The following NT5C2 variants were observed in gnomAD, a reference collection of about 807,000 sequenced individuals.
NT5C2 encodes cytosolic purine 5'-nucleotidase.
A neutral mutation model predicts 76.1 loss-of-function variants in NT5C2; 58 were observed. The ratio of observed to expected loss-of-function variants is 0.76; its 90% confidence interval spans 0.62 to 0.95. The LOEUF is 0.95. Among genes scored for constraint, NT5C2 ranks in the 40% least tolerant of loss-of-function variants. NT5C2 has a pLI of 0.00. For synonymous variants in NT5C2, 229 were observed against 237.4 expected (o/e 0.96, Z 0.32); for missense variants, 478 against 690.3 (o/e 0.69, Z 3.45).
At chr10:103,154,592 G>A (rs1403093920) in intron 3 of NT5C2, among the ~76,000 whole-genome samples, 1 of 152,112 alleles carries the variant, frequency 6.6e-6, no homozygotes, top group African/African-American at 2.4e-5. Flanking sequence ...ACCTAAGCCT[G>A]AGCGTTTTAA....
chr10:103,190,406 C>T lies in NT5C2; in HGVS notation c.-169+2830G>A, dbSNP rs147786448. ...ATACATCCACTTCAGCATCTTCTCC[C>T]TACTCTGAAGTGTTACTGTTTTTCC... On this transcript the variant is annotated intron_variant, in intron 1 of 18. Coordinates refer to ENST00000404739, the MANE Select transcript of NT5C2 (RefSeq NM_001351169.2). Among the ~76,000 whole-genome samples, 12 of 152,316 alleles carry T rather than the reference C, an allele frequency of 7.9e-5. No homozygotes were observed. In the East Asian group the frequency reaches 2.3e-3, roughly 29 times the overall value.
chr10:103,128,044 T>TCTCC (rs2077003138), intron 4 of NT5C2, among the ~76,000 whole-genome samples: 1 of 138,546 alleles, frequency 7.2e-6, no homozygotes, highest in African/African-American at 2.6e-5. Flanking sequence ...AATGATCCGG[T>TCTCC]CTCTCCCTCT....
chr10:103,178,848 A>G (rs1252690598), intron 2 of NT5C2, among the ~76,000 whole-genome samples: 2 of 150,848 alleles, frequency 1.3e-5, no homozygotes, highest in Non-Finnish European at 3.0e-5. Context: ...AAAAAAAAAA[A>G]AGACAAGCAA....
chr10:103,151,028 C>T (rs1012835427), intron 3 of NT5C2, among the ~76,000 whole-genome samples: 5 of 152,002 alleles, frequency 3.3e-5, no homozygotes, highest in African/African-American at 4.8e-5. Context: ...AAATGTGTAC[C>T]TCATTCAGGG....
intron 1 of NT5C2, among the ~76,000 whole-genome samples, chr10:103,181,991 C>T (rs545247716): frequency 6.8e-6 from 1 of 147,928 alleles, no homozygotes; most frequent in Non-Finnish European, 1.5e-5. Flanking sequence ...GCCTGGGCAA[C>T]AGAGCGAGAC....
At chr10:103,100,162 G>T (rs2069202531) in intron 8 of NT5C2, 143 bp from the exon 9 acceptor site, 1 of 572,184 alleles carries the variant, frequency 1.7e-6, no homozygotes, top group Non-Finnish European at 3.1e-6. Context: ...ACTCCCTAAT[G>T]AAAGTCCACT....
chr10:103,162,792 CTAT>C (rs1167436565), intron 3 of NT5C2, among the ~76,000 whole-genome samples: 4 of 151,984 alleles, frequency 2.6e-5, no homozygotes, highest in African/African-American at 4.8e-5. Flanking sequence ...CTAAAAATTA[CTAT>C]TATTTTATTA....
chr10:103,192,353 AG>A (rs775497476), intron 1 of NT5C2, among the ~76,000 whole-genome samples: 1 of 152,156 alleles, frequency 6.6e-6, no homozygotes, highest in Non-Finnish European at 1.5e-5. Context: ...TCAAACATCA[AG>A]GCCCTAAAGG....
intron 3 of NT5C2, among the ~76,000 whole-genome samples, chr10:103,170,537 T>TG (rs1457949216): frequency 1.3e-5 from 2 of 149,700 alleles, no homozygotes; most frequent in Admixed American, 1.3e-4. Flanking sequence ...TTTTTTTTTT[T>TG]TTTTTTTTTT....
chr10:103,171,262 A>G (rs1228161124), intron 3 of NT5C2, among the ~76,000 whole-genome samples: 3 of 152,254 alleles, frequency 2.0e-5, no homozygotes, highest in South Asian at 2.1e-4. Context: ...ATACTCAATA[A>G]CAAGTAACTA....
In NT5C2 at chr10:103,089,166, TA is replaced by T. The variant is rs1056034036; in HGVS notation, c.*505del. ...TCACTGAGGATGAATTAAAGGCTTA[TA>T]AAAGAAAACTTGACCTTAACAGAGA... On this transcript the variant is annotated 3_prime_UTR_variant, in exon 19 of 19. Coordinates refer to ENST00000404739, the MANE Select transcript of NT5C2 (RefSeq NM_001351169.2). 6 of 226,064 alleles carry T rather than the reference TA, an allele frequency of 2.7e-5. No homozygotes were observed. Among genetic ancestry groups the T allele is most frequent in the African/African-American group, 1.3e-4 (6 of 44,994 alleles). The allele number at this position is 226,064 out of a possible 1,614,324, so 14.0% of individuals were successfully genotyped here.
At chr10:103,130,583 TA>T (rs5787482) in intron 4 of NT5C2, among the ~76,000 whole-genome samples, 31,706 of 137,256 alleles carry the variant, frequency 0.23, 3,376 homozygotes, top group Middle Eastern at 0.37. Context: ...AAATAAAAAT[TA>T]AAAAAAAAAA....
chr10:103,129,733 G>A (rs1246797147), intron 4 of NT5C2, among the ~76,000 whole-genome samples: 4 of 96,042 alleles, frequency 4.2e-5, no homozygotes, highest in Non-Finnish European at 8.5e-5. Flanking sequence ...CCGGCCAGCC[G>A]CCCCGTCCGG....
intron 1 of NT5C2, among the ~76,000 whole-genome samples, chr10:103,192,866 AGGG>A (rs895816295): frequency 3.9e-5 from 6 of 152,078 alleles, no homozygotes; most frequent in Non-Finnish European, 7.4e-5. Flanking sequence ...GCGTGAGGAA[AGGG>A]GGGAAGAGGG....
chr10:103,171,183 C>G (rs1402597214), intron 3 of NT5C2, among the ~76,000 whole-genome samples: 1 of 152,114 alleles, frequency 6.6e-6, no homozygotes, highest in Non-Finnish European at 1.5e-5. Context: ...GCCACAGTGA[C>G]CTACCATGAG....
In NT5C2 at chr10:103,089,451, C is replaced by G; in HGVS notation, c.*221G>C. 1.5e-6 allele frequency: 1 copy of G among 649,932 alleles called. No homozygotes were observed. Among genetic ancestry groups the G allele is most frequent in the Non-Finnish European group, 2.3e-6 (1 of 434,366 alleles). 40.3% of individuals were successfully genotyped at this position (649,932 alleles called of 1,614,324 possible). ...AGCCTGATTTTACCCTTATTTTCTT[C>G]TAATACAGACTCCATTACAATTTTG... On this transcript the variant is annotated 3_prime_UTR_variant, in exon 19 of 19. Transcript: ENST00000404739.
intron 1 of NT5C2, among the ~76,000 whole-genome samples, chr10:103,183,279 A>AT (rs1270017824): frequency 7.5e-6 from 1 of 133,588 alleles, no homozygotes; most frequent in South Asian, 2.4e-4. Context: ...ATATATATAT[A>AT]TATATATATA....
At chr10:103,173,762 TAA>T (rs1170843986) in intron 3 of NT5C2, among the ~76,000 whole-genome samples, 2 of 139,194 alleles carry the variant, frequency 1.4e-5, no homozygotes. Flanking sequence ...CTGTCACTAC[TAA>T]AAAAAAAAAA....
Position 103,093,161 on chromosome 10 carries a change from T to A in NT5C2, c.1137A>T (p.Leu379=). The A allele has an allele frequency of 6.2e-7, 1 of 1,608,196 alleles. No homozygotes were observed. Among genetic ancestry groups the A allele is most frequent in the Non-Finnish European group, 8.5e-7 (1 of 1,177,690 alleles). Residue 379 remains leucine (L), a synonymous_variant, in exon 15 of 19, where the codon CTA becomes CTT. Coordinates refer to ENST00000404739, the MANE Select transcript of NT5C2 (RefSeq NM_001351169.2). ...TACAACTCTTGTCAGTCCAGACATG[T>A]AGCTCCTGTGCGAGTTCAGGAATCA... is the stretch of plus-strand genomic sequence containing the variant. The part of the protein sequence containing the change: ...FLVIPELAQE[L]HVWTDKSSLF...
Sources: gnomAD v4.1 joint callset for allele counts (sites outside exome capture counted in the v4.1 genomes callset) on GRCh38, gnomAD v4.1.1 for gene constraint, MANE v1.5 for transcripts, NCBI Gene and HGNC (gene_info 2026-07-23, HGNC 2026-07-21) for gene names.